Variants in FGF14 observed in about 807,000 individuals in gnomAD.
The protein encoded by FGF14 is fibroblast growth factor 14, also known as fibroblast growth factor homologous factor 4.
In FGF14, 5 loss-of-function variants were observed where a neutral mutation model predicts 25.5. The ratio of observed to expected loss-of-function variants is 0.20; its 90% confidence interval spans 0.10 to 0.41. The LOEUF is 0.41. Ranked by LOEUF, FGF14 falls within the 10% of genes least tolerant of loss-of-function variation. The probability of loss-of-function intolerance (pLI) is 1.00; values close to 1 mark genes in which losing one functional copy is unlikely to be tolerated. For missense variants in FGF14, 222 were observed against 320.1 expected, an observed-to-expected ratio of 0.69 and a Z score of 2.34; for synonymous variants, 138 against 118.3, an observed-to-expected ratio of 1.17 and a Z score of -1.08.
At chr13:102,060,954 G>T (rs1249239934) in intron 1 of FGF14, among the ~76,000 whole-genome samples, 1 of 152,176 alleles carries the variant, frequency 6.6e-6, no homozygotes, top group East Asian at 1.9e-4. Flanking sequence ...CACCAACAGA[G>T]GCCAGCAGGT....
In FGF14 at chr13:101,721,242, T is replaced by G. The variant is rs2034960318; in HGVS notation, c.*1589A>C. On this transcript the variant is annotated 3_prime_UTR_variant, in exon 5 of 5. Coordinates refer to ENST00000376143, the MANE Select transcript of FGF14 (RefSeq NM_004115.4). The stretch of plus-strand genomic sequence containing the variant: ...CCCAAACAGTTTAGTATGAAACATT[T>G]TGAACCCCTTTAGATCCAATATTGA... 6.6e-6 allele frequency: 1 copy of G among 152,156 alleles called. No homozygotes were observed. The allele number at this position is 152,156 out of a possible 1,614,324, so 9.4% of individuals were successfully genotyped here.
At chr13:102,075,112 G>A (rs1002423508) in intron 1 of FGF14, among the ~76,000 whole-genome samples, 12 of 152,088 alleles carry the variant, frequency 7.9e-5, no homozygotes, top group African/African-American at 2.7e-4. Context: ...AGGCATCCAA[G>A]ACAGAGATGA....
intron 1 of FGF14, among the ~76,000 whole-genome samples, chr13:102,074,688 C>A (rs1424988538): frequency 2.0e-5 from 3 of 152,100 alleles, no homozygotes; most frequent in Non-Finnish European, 4.4e-5. Flanking sequence ...AAATCCTCAA[C>A]AAAATATCAC....
At chr13:101,829,635 A>G (rs1362205629) in intron 3 of FGF14, among the ~76,000 whole-genome samples, 2 of 152,078 alleles carry the variant, frequency 1.3e-5, no homozygotes, top group Non-Finnish European at 2.9e-5. Flanking sequence ...GTTCATTAGG[A>G]AAACTGATGA....
At chr13:102,392,133 C>T (rs117947262) in intron 1 of FGF14, among the ~76,000 whole-genome samples, 1,853 of 152,308 alleles carry the variant, frequency 0.012, 18 homozygotes, top group Non-Finnish European at 0.02. Flanking sequence ...CTTCAGTGAT[C>T]CACTATAATT....
At chr13:102,148,131 A>T (rs1409559360) in intron 1 of FGF14, among the ~76,000 whole-genome samples, 1 of 152,190 alleles carries the variant, frequency 6.6e-6, no homozygotes, top group Non-Finnish European at 1.5e-5. Context: ...TGAAAGTTTC[A>T]TCCTACATGA....
intron 3 of FGF14, among the ~76,000 whole-genome samples, chr13:101,864,497 C>G (rs7998728): frequency 6.6e-6 from 1 of 152,084 alleles, no homozygotes; most frequent in Non-Finnish European, 1.5e-5. Context: ...TGTTGATTCT[C>G]GGGCCTCCCA....
intron 3 of FGF14, among the ~76,000 whole-genome samples, chr13:101,745,899 C>T (rs1162570033): frequency 4.0e-5 from 6 of 151,786 alleles, no homozygotes; most frequent in Non-Finnish European, 5.9e-5. Flanking sequence ...GCAGAGTGCT[C>T]GCAAGATTGT....
At chr13:102,033,139 A>G (rs1461695349) in intron 1 of FGF14, among the ~76,000 whole-genome samples, 1 of 152,120 alleles carries the variant, frequency 6.6e-6, no homozygotes, top group African/African-American at 2.4e-5. Context: ...TCCATATGCC[A>G]GTATTTATAG....
chr13:102,216,814 CT>C (rs1250485004), intron 1 of FGF14, among the ~76,000 whole-genome samples: 18 of 152,164 alleles, frequency 1.2e-4, no homozygotes, highest in Admixed American at 1.0e-3. Context: ...TCTTCCTCCC[CT>C]GACCCTCCCT....
At chr13:101,802,059 A>G in intron 3 of FGF14, 1 of 350,512 alleles carries the variant, frequency 2.9e-6, no homozygotes, top group Non-Finnish European at 5.7e-6. Flanking sequence ...TATAAATCTG[A>G]TAAAATGGCA....
chr13:102,333,234 G>A (rs188370173), intron 1 of FGF14, among the ~76,000 whole-genome samples: 2 of 152,164 alleles, frequency 1.3e-5, no homozygotes, highest in African/African-American at 2.4e-5. Flanking sequence ...TTAACCCAAC[G>A]TGGCTCTCAC....
chr13:101,887,345 TAC>T (rs888418186), intron 1 of FGF14, among the ~76,000 whole-genome samples: 3,816 of 149,964 alleles, frequency 0.025, 163 homozygotes, highest in African/African-American at 0.086. Flanking sequence ...TATATATATA[TAC>T]ACACACACAC....
In FGF14 at chr13:102,400,537, C is replaced by A. The variant is rs987387339; in HGVS notation, c.208+934G>T. Among the ~76,000 whole-genome samples, 5 of 152,212 alleles carry A rather than the reference C, an allele frequency of 3.3e-5. No homozygotes were observed. Among genetic ancestry groups the A allele is most frequent in the Non-Finnish European group, 5.9e-5 (4 of 68,040 alleles). On this transcript the variant is annotated intron_variant, in intron 1 of 4. Transcript: ENST00000376131. The surrounding 1 kb of genome is among the most constrained non-coding windows in gnomAD (Gnocchi z 4.3). ...CCCCTGGGTTGCTCGCCCACAGCTC[C>A]GCGGCCGCCCCCAATCGCCTCGGAC... is the stretch of plus-strand genomic sequence containing the variant.
At chr13:102,184,309 G>T (rs773854056) in intron 1 of FGF14, among the ~76,000 whole-genome samples, 2 of 152,132 alleles carry the variant, frequency 1.3e-5, no homozygotes, top group African/African-American at 4.8e-5. Context: ...TGGAAGAAAG[G>T]TGGGGGAGGG....
intron 1 of FGF14, among the ~76,000 whole-genome samples, chr13:102,049,015 C>T (rs997282645): frequency 2.0e-5 from 3 of 151,712 alleles, no homozygotes; most frequent in Admixed American, 1.3e-4. Flanking sequence ...CAAGAAAGGG[C>T]AAAAATTATG....
At chr13:102,301,913 A>G (rs2055083175) in intron 1 of FGF14, among the ~76,000 whole-genome samples, 1 of 151,330 alleles carries the variant, frequency 6.6e-6, no homozygotes, top group African/African-American at 2.4e-5. Flanking sequence ...CTGAGAAAGA[A>G]AGGAAGTGTC....
chr13:101,762,171 C>T (rs1458172541), intron 3 of FGF14, among the ~76,000 whole-genome samples: 1 of 152,146 alleles, frequency 6.6e-6, no homozygotes, highest in African/African-American at 2.4e-5. Flanking sequence ...GTTAAACATG[C>T]TTTGGAAAAG....
At chr13:102,243,134 C>T (rs2051685615) in intron 1 of FGF14, among the ~76,000 whole-genome samples, 2 of 152,182 alleles carry the variant, frequency 1.3e-5, no homozygotes, top group South Asian at 4.1e-4. Flanking sequence ...GATAGCAGAG[C>T]AGCAACATGG....
Sources: allele counts gnomAD v4.1 joint callset (sites outside exome capture counted in the v4.1 genomes callset), GRCh38; gene constraint gnomAD v4.1.1; non-coding constraint Gnocchi (gnomAD v3.1); transcripts MANE v1.5; gene names NCBI Gene and HGNC (gene_info 2026-07-23, HGNC 2026-07-21).